C6orf120: variants seen among roughly 807,000 people sequenced by gnomAD.
C6orf120 encodes the protein chromosome 6 open reading frame 120.
For synonymous variants in C6orf120, 165 were observed against 123.1 expected (o/e 1.34, Z -2.25); for missense variants, 311 against 264.2 (o/e 1.18, Z -1.23).
At chr6:169,705,246 C>T, downstream of C6orf120, 1 of 1,613,298 alleles carries the variant, frequency 6.2e-7, no homozygotes, top group Non-Finnish European at 8.5e-7. Flanking sequence ...GCATGTTTTA[C>T]ATTCCATACA....
At chr6:169,704,099 A>T (rs928734813) in exon 1 of C6orf120, 21 of 1,572,542 alleles carry the variant, frequency 1.3e-5, no homozygotes, top group Middle Eastern at 1.7e-4. Flanking sequence ...CTAGGAAAAA[A>T]ATTGTTAATA....
At chr6:169,706,295 G>C (rs1788781755), downstream of C6orf120, among the ~76,000 whole-genome samples, 1 of 150,792 alleles carries the variant, frequency 6.6e-6, no homozygotes, top group African/African-American at 2.5e-5. Flanking sequence ...ATAAACGTTT[G>C]TGGAAAACTT....
At chr6:169,704,171 G>A (rs1788687715) in exon 1 of C6orf120, 1 of 965,248 alleles carries the variant, frequency 1.0e-6, no homozygotes, top group Non-Finnish European at 1.5e-6. Flanking sequence ...TTCTGCCTTA[G>A]CTATCACTAA....
chr6:169,704,876 G>C, downstream of C6orf120: 1 of 354,628 alleles, frequency 2.8e-6, no homozygotes, highest in Admixed American at 4.7e-5. Context: ...TATTTCAGTA[G>C]AAAAACACCA....
downstream of C6orf120, chr6:169,705,087 A>G: frequency 7.0e-7 from 1 of 1,423,904 alleles, no homozygotes; most frequent in Non-Finnish European, 9.6e-7. Flanking sequence ...GTGCTGGGAG[A>G]GTCTCATCAC....
At chr6:169,705,069 CT>C, downstream of C6orf120, 1 of 1,275,822 alleles carries the variant, frequency 7.8e-7, no homozygotes, top group Non-Finnish European at 1.1e-6. Context: ...TTTATGCAGC[CT>C]TTTGGAGTGC....
At chr6:169,703,919 CT>C in exon 1 of C6orf120, 3 of 1,145,930 alleles carry the variant, frequency 2.6e-6, no homozygotes, top group Middle Eastern at 2.0e-4. Context: ...CAAAAAAAAT[CT>C]TTTATTGGCA....
exon 1 of C6orf120, chr6:169,703,909 C>CA (rs944797724): frequency 7.5e-5 from 78 of 1,037,960 alleles, no homozygotes; most frequent in Admixed American, 1.3e-4. Context: ...TCATAATTTG[C>CA]AAAAAAAATC....
chr6:169,704,242 A>G, exon 1 of C6orf120: 1 of 561,600 alleles, frequency 1.8e-6, no homozygotes, highest in Non-Finnish European at 3.1e-6. Flanking sequence ...ATTTAAGGAA[A>G]AAATGTAAAC....
At chr6:169,705,880 G>A (rs149100717), downstream of C6orf120, among the ~76,000 whole-genome samples, 37 of 152,268 alleles carry the variant, frequency 2.4e-4, no homozygotes, top group East Asian at 5.6e-3. Context: ...TGCCTACAAT[G>A]TAAGACTGCC....
chr6:169,705,208 CT>C (rs1788738643), downstream of C6orf120: 1 of 1,613,762 alleles, frequency 6.2e-7, no homozygotes, highest in Non-Finnish European at 8.5e-7. Context: ...ATCATTTCTT[CT>C]TCATGGTGGG....
rs377582741 is a variant in C6orf120, at chr6:169,703,525, C to A, written c.*490C>A. 3.9e-3 allele frequency: 769 copies of A among 199,022 alleles called. 12 individuals are homozygous for A. Among genetic ancestry groups the A allele is most frequent in the African/African-American group, 0.018 (744 of 42,024 alleles). 12.3% of individuals were successfully genotyped at this position (199,022 alleles called of 1,614,324 possible). A position where few individuals can be genotyped will look rare whatever the true frequency, so the allele number is the denominator to read the frequency against. ...AAGTAGGTGATGGTACTTTTCTATA[C>A]AAAAAGGATTTCCTGGCAGGCAGGT... On this transcript the variant is annotated 3_prime_UTR_variant, in exon 1 of 1. Transcript: ENST00000332290.
At chr6:169,704,238 G>C (rs995578186) in exon 1 of C6orf120, 3 of 557,244 alleles carry the variant, frequency 5.4e-6, no homozygotes, top group East Asian at 3.3e-5. Flanking sequence ...CTTAATTTAA[G>C]GAAAAAATGT....
At chr6:169,703,338 C>T (rs772529928) in exon 1 of C6orf120, 1 of 382,358 alleles carries the variant, frequency 2.6e-6, no homozygotes, top group Non-Finnish European at 5.0e-6. Context: ...ATAGAGCAAC[C>T]TTTCATGCTG....
At chr6:169,704,992 C>T, downstream of C6orf120, 2 of 538,504 alleles carry the variant, frequency 3.7e-6, no homozygotes, top group South Asian at 8.1e-5. Context: ...TGGACATGAC[C>T]TGTATAATCA....
rs761123958 is a variant in C6orf120, at chr6:169,702,902, C to G, written c.443C>G (p.Ala148Gly). ...GAGCAGCACCCGTTCGGCGAGGCCG[C>G]CTACCCCGCCGACGGCGCAGATGCC... The change falls in exon 1 of 1, where the codon GCC becomes GGC. Residue 148 changes from alanine to glycine, a missense_variant. Ala to Gly is a moderately conservative substitution (Grantham distance 60). Transcript: ENST00000332290. 58 of 1,611,924 alleles carry G rather than the reference C, an allele frequency of 3.6e-5. No homozygotes were observed. The African/African-American group carries it at 5.7e-4, about 16-fold the overall frequency.
In C6orf120 at chr6:169,702,575, G is replaced by A. The variant is rs776696205; in HGVS notation, c.116G>A (p.Trp39Ter). 1 of 1,613,102 alleles carries A rather than the reference G, an allele frequency of 6.2e-7. No individual in the cohort carries two copies. The highest frequency in any genetic ancestry group is 1.1e-5 in the South Asian group (1 of 91,084). Residue 39 changes from tryptophan (W) to a stop codon, truncating the protein, a stop_gained, in exon 1 of 1, where the codon TGG becomes TAG. Coordinates refer to ENST00000332290, the Ensembl canonical transcript of C6orf120. LOFTEE classifies it low-confidence loss of function (END_TRUNC). ...GACGAGGAGGAGGTCCCCGAGGAGT[G>A]GGTGCTCCTGCACGTCGTCCAGGGC...
At chr6:169,702,749 C>T (rs987589560) in exon 1 of C6orf120, 4 of 1,613,296 alleles carry the variant, frequency 2.5e-6, no homozygotes, top group African/African-American at 1.3e-5. Flanking sequence ...CTGCAATCGG[C>T]CACCTGCGGC....
chr6:169,704,246 T>C (rs1788690872), exon 1 of C6orf120: 2 of 557,412 alleles, frequency 3.6e-6, no homozygotes, highest in South Asian at 2.9e-5. Flanking sequence ...AAGGAAAAAA[T>C]GTAAACTTAA....
Sources: allele counts gnomAD v4.1 joint callset (sites outside exome capture counted in the v4.1 genomes callset), GRCh38; gene constraint gnomAD v4.1.1; transcripts MANE v1.5; gene names NCBI Gene and HGNC (gene_info 2026-07-23, HGNC 2026-07-21).